The following AKAP13 variants were observed in gnomAD, a reference collection of about 807,000 sequenced individuals.
AKAP13 encodes A-kinase anchoring protein 13, also known as A-kinase anchor protein 13.
A neutral mutation model predicts 264.5 loss-of-function variants in AKAP13; 80 were observed. The observed-to-expected ratio is 0.30, with a 90% confidence interval of 0.25 to 0.36. The LOEUF is 0.36. Ranked by LOEUF, AKAP13 falls within the 10% of genes least tolerant of loss-of-function variation. The probability of loss-of-function intolerance (pLI) is 1.00; values close to 1 mark genes in which losing one functional copy is unlikely to be tolerated. For synonymous variants in AKAP13, 1,380 were observed against 1,250.2 expected, an observed-to-expected ratio of 1.10 and a Z score of -2.19; for missense variants, 3,712 against 3,435.2, an observed-to-expected ratio of 1.08 and a Z score of -2.01.
chr15:85,581,213 G>A lies in AKAP13; in HGVS notation c.3145G>A (p.Asp1049Asn). 1 of 1,614,138 alleles carries A rather than the reference G, an allele frequency of 6.2e-7. No individual in the cohort carries two copies. The highest frequency in any genetic ancestry group is 8.5e-7 in the Non-Finnish European group (1 of 1,179,988). The stretch of plus-strand genomic sequence containing the variant: ...CGCTCTGTTGCCATGTCTGTTGCCA[G>A]ATGGGTCTGATGGGTCCGATGCTCT... Reference protein sequence around the residue: ...SSALLPCLLPDGSDGSDALNC... With the variant: ...SSALLPCLLPNGSDGSDALNC... Residue 1049 changes from aspartate to asparagine, a missense_variant, in exon 7 of 37, where the codon GAT (aspartate) becomes AAT (asparagine). This residue lies in a region of AKAP13 where 2,759 missense variants were observed against 2,411.7 expected (regional missense o/e 1.14). Transcript: ENST00000394518.
Position 85,581,057 on chromosome 15 carries a change from C to T in AKAP13, c.2989C>T (p.His997Tyr). The T allele has an allele frequency of 6.2e-7, 1 of 1,614,006 alleles. No individual in the cohort carries two copies. Among genetic ancestry groups the T allele is most frequent in the Non-Finnish European group, 8.5e-7 (1 of 1,179,974 alleles). ...SSAFLKAETE[H>Y]NKEVAPQVSL... ...TGCCTTTCTTAAGGCAGAAACTGAA[C>T]ATAACAAGGAAGTGGCCCCACAAGT... The change falls in exon 7 of 37, where the codon CAT becomes TAT. Residue 997 changes from histidine to tyrosine, a missense_variant. His to Tyr is a moderately conservative substitution (Grantham distance 83). Transcript: ENST00000394518.
At chr15:85,539,203 T>G (rs893105952) in intron 4 of AKAP13, among the ~76,000 whole-genome samples, 3 of 151,496 alleles carry the variant, frequency 2.0e-5, no homozygotes, top group African/African-American at 7.3e-5. Context: ...CTGCTAGTGG[T>G]TTTTTTTTCC....
At chr15:85,398,824 A>G (rs2071248030) in intron 1 of AKAP13, among the ~76,000 whole-genome samples, 1 of 152,190 alleles carries the variant, frequency 6.6e-6, no homozygotes, top group South Asian at 2.1e-4. Context: ...CCACCTTTAT[A>G]TGATTTCAAG....
At chr15:85,417,393 C>T (rs951161781) in intron 1 of AKAP13, among the ~76,000 whole-genome samples, 1 of 152,004 alleles carries the variant, frequency 6.6e-6, no homozygotes, top group East Asian at 1.9e-4. Flanking sequence ...TTGGTGGAAT[C>T]GAAATAGCGT....
At chr15:85,636,200 T>C (rs1051242643) in intron 8 of AKAP13, among the ~76,000 whole-genome samples, 1 of 152,234 alleles carries the variant, frequency 6.6e-6, no homozygotes, top group Non-Finnish European at 1.5e-5. Context: ...CTTTTACTTT[T>C]AATTTCAATT....
intron 1 of AKAP13, among the ~76,000 whole-genome samples, chr15:85,403,019 G>C (rs1253084016): frequency 6.6e-6 from 1 of 152,168 alleles, no homozygotes; most frequent in Non-Finnish European, 1.5e-5. Context: ...TTAACTGCTT[G>C]TTATGCCAAG....
rs779596073 is a variant in AKAP13 at position 85,743,497 on chromosome 15, C to G, written c.8064C>G (p.Ser2688=). The G allele has an allele frequency of 6.2e-7, 1 of 1,613,384 alleles. No individual in the cohort carries two copies. Among genetic ancestry groups the G allele is most frequent in the South Asian group, 1.1e-5 (1 of 91,040 alleles). ...RQTERDLCQV[S]HPHTKLMRIP... ...CTTCTCTTGAATATGTACAGGTTTCCCATCCACATACCAAGCTGATGAGGA... is the reference window on the plus strand; with the variant it reads ...CTTCTCTTGAATATGTACAGGTTTCGCATCCACATACCAAGCTGATGAGGA... The change falls in exon 36 of 37, where the codon TCC becomes TCG. Residue 2688 remains serine (S), a synonymous_variant. Coordinates refer to ENST00000394518, the MANE Select transcript of AKAP13 (RefSeq NM_007200.5).
chr15:85,584,217 A>G (rs1413549366), intron 7 of AKAP13, among the ~76,000 whole-genome samples: 1 of 152,224 alleles, frequency 6.6e-6, no homozygotes, highest in Admixed American at 6.5e-5. Context: ...AGTTTGAAAG[A>G]AGGGGATGTG....
chr15:85,496,063 A>G (rs1350609187), intron 2 of AKAP13, among the ~76,000 whole-genome samples: 2 of 152,226 alleles, frequency 1.3e-5, no homozygotes, highest in East Asian at 1.9e-4. Flanking sequence ...AAACATGGCC[A>G]GCACTTAATA....
rs1411646642 is a variant in AKAP13 at position 85,580,017 on chromosome 15, C to T, written c.1949C>T (p.Ser650Leu). 1 of 1,614,192 alleles carries T rather than the reference C, an allele frequency of 6.2e-7. No homozygotes were observed. The highest frequency in any genetic ancestry group is 8.5e-7 in the Non-Finnish European group (1 of 1,180,006). Residue 650 changes from serine (S) to leucine (L), a missense_variant, in exon 7 of 37, where the codon TCA becomes TTA. Transcript: ENST00000394518. Reference sequence around the variant, plus strand: ...GCTCAAAGCCAAAAGGGCAAATCCTCACCCATTTGTTCTACAACTGGAGAC... The same window carrying T: ...GCTCAAAGCCAAAAGGGCAAATCCTTACCCATTTGTTCTACAACTGGAGAC... The part of the protein sequence containing the change: ...SHAQSQKGKS[S>L]PICSTTGDDK...
chr15:85,556,533 C>T (rs1003159596), intron 5 of AKAP13, among the ~76,000 whole-genome samples: 2 of 152,102 alleles, frequency 1.3e-5, no homozygotes, highest in Non-Finnish European at 2.9e-5. Context: ...TTTTTGCCTT[C>T]CTCCCCCTAG....
chr15:85,448,014 G>GA (rs2073958219), intron 1 of AKAP13, among the ~76,000 whole-genome samples: 1 of 152,114 alleles, frequency 6.6e-6, no homozygotes, highest in Non-Finnish European at 1.5e-5. Context: ...CCTTTTCCCT[G>GA]CAACCTTGCC....
intron 1 of AKAP13, among the ~76,000 whole-genome samples, chr15:85,387,683 C>T (rs2070646905): frequency 6.6e-6 from 1 of 152,104 alleles, no homozygotes; most frequent in Admixed American, 6.5e-5. Context: ...GGGCAATTGA[C>T]ATTTTAATAA....
rs1596589737 is a variant in AKAP13 at position 85,578,866 on chromosome 15, A to C, written c.862-64A>C. The C allele has an allele frequency of 1.1e-5, 17 of 1,517,946 alleles. No homozygotes were observed. In the East Asian group the frequency reaches 3.6e-4, roughly 32 times the overall value. 94.0% of individuals were successfully genotyped at this position (1,517,946 alleles called of 1,614,324 possible). On this transcript the variant is annotated intron_variant, in intron 6 of 36. Transcript: ENST00000394518. ...GTTCTGTCCAACAGAATTTTTGCTC[A>C]GAGGTGTCAGTGACATCTTCTCCTA... is the stretch of plus-strand genomic sequence containing the variant.
chr15:85,682,913 T>C (rs1031696571), intron 15 of AKAP13, among the ~76,000 whole-genome samples: 2 of 148,592 alleles, frequency 1.3e-5, no homozygotes, highest in Admixed American at 1.3e-4. Context: ...GTGATCCATC[T>C]GCCTCAGCTT....
chr15:85,654,485 G>C (rs1022443447), intron 10 of AKAP13, among the ~76,000 whole-genome samples: 1 of 152,014 alleles, frequency 6.6e-6, no homozygotes, highest in Non-Finnish European at 1.5e-5. Context: ...ATTGCAGTTG[G>C]TGATATTTAC....
In AKAP13 at chr15:85,746,158, TAAAAAAA is replaced by T. The variant is rs1381697049; in HGVS notation, c.*1482_*1488del. 2 of 152,508 alleles carry T rather than the reference TAAAAAAA, an allele frequency of 1.3e-5. No homozygotes were observed. Among genetic ancestry groups the T allele is most frequent in the African/African-American group, 4.8e-5 (2 of 41,416 alleles). The allele number at this position is 152,508 out of a possible 1,614,324, so 9.4% of individuals were successfully genotyped here. A position where few individuals can be genotyped will look rare whatever the true frequency, so the allele number is the denominator to read the frequency against. ...GAAGCATGGGGCTTTTGAGCACACT[TAAAAAAA>T]GAAAAATCTGTAACTTGGTGCTTAT... On this transcript the variant is annotated 3_prime_UTR_variant, in exon 37 of 37. Transcript: ENST00000394518.
chr15:85,570,726 T>TC (rs1184734788), intron 5 of AKAP13, among the ~76,000 whole-genome samples: 1 of 152,120 alleles, frequency 6.6e-6, no homozygotes, highest in Non-Finnish European at 1.5e-5. Context: ...TTGTCAAATG[T>TC]CCCCTGGGGG....
intron 5 of AKAP13, among the ~76,000 whole-genome samples, chr15:85,573,814 A>G (rs1481545838): frequency 6.6e-6 from 1 of 152,172 alleles, no homozygotes; most frequent in Non-Finnish European, 1.5e-5. Flanking sequence ...ATGTTTTTCT[A>G]CTTTTAAGAA....
Sources: allele counts gnomAD v4.1 joint callset (sites outside exome capture counted in the v4.1 genomes callset), GRCh38; gene constraint gnomAD v4.1.1; regional missense constraint gnomAD v4.1.1; transcripts MANE v1.5; gene names NCBI Gene and HGNC (gene_info 2026-07-23, HGNC 2026-07-21).